Variants in PROK1 observed in about 807,000 individuals in gnomAD.
PROK1 encodes the protein prokineticin 1, also known as prokineticin-1.
A neutral mutation model predicts 8.8 loss-of-function variants in PROK1; 10 were observed. The ratio of observed to expected loss-of-function variants is 1.13; its 90% CI spans 0.70 to 1.92. The LOEUF is 1.92. Among genes scored for constraint, PROK1 ranks in the 30% most tolerant of loss-of-function variants. The pLI, the probability that PROK1 is intolerant of heterozygous loss-of-function variation, is 0.00. For synonymous variants in PROK1, 57 were observed against 56.0 expected (o/e 1.02, Z -0.08); for missense variants, 140 against 139.7 (o/e 1.00, Z -0.01).
chr1:110,453,733 G>A lies in PROK1; in HGVS notation c.73-228G>A, dbSNP rs538718389. 1.6e-3 allele frequency among the ~76,000 whole-genome samples: 248 copies of A among 152,344 alleles called. 3 individuals carry two copies. The highest frequency in any genetic ancestry group is 2.5e-3 in the Non-Finnish European group (171 of 68,024). On this transcript the variant is annotated intron_variant, in intron 1 of 2. Transcript: ENST00000271331. The stretch of plus-strand genomic sequence containing the variant: ...CCTTCTGAGTGGCCTCCAGGAGCTT[G>A]GAAGTTTCCTCAGATCCAGATCCAA...
chr1:110,453,871 ATCCT>A, intron 1 of PROK1, 86 bp from the exon 2 acceptor site: 1 of 1,566,968 alleles, frequency 6.4e-7, no homozygotes, highest in South Asian at 1.1e-5. Flanking sequence ...TTCTTGCTCC[ATCCT>A]GATAAGGGCT....
Position 110,454,010 on chromosome 1 carries a change from G to T in PROK1, c.122G>T (p.Ser41Ile), listed in dbSNP as rs772739896. Residue 41 changes from serine (S) to isoleucine (I), a missense_variant, in exon 2 of 3, where the codon AGC (serine) becomes ATC (isoleucine). Transcript: ENST00000271331. ...GGGGCAGGCACCTGCTGTGCCATCA[G>T]CCTGTGGCTTCGAGGGCTGCGGATG... is the stretch of plus-strand genomic sequence containing the variant. ...QCGAGTCCAI[S>I]LWLRGLRMCT... is the part of the protein sequence containing the mutation. 8.7e-6 allele frequency: 14 copies of T among 1,614,124 alleles called. No homozygotes were observed. Among genetic ancestry groups the T allele is most frequent in the Non-Finnish European group, 1.1e-5 (13 of 1,180,050 alleles).
intron 2 of PROK1, among the ~76,000 whole-genome samples, chr1:110,454,824 GC>G (rs1664144043): frequency 6.6e-6 from 1 of 152,242 alleles, no homozygotes; most frequent in African/African-American, 2.4e-5. Flanking sequence ...GATCTCACAT[GC>G]CCTTTGCTCT....
At position 110,456,195 on chromosome 1, in the gene PROK1, TC is replaced by T. The variant is rs761335929; in HGVS notation, c.199-34del. On this transcript the variant is annotated intron_variant, in intron 2 of 2. Coordinates refer to ENST00000271331, the MANE Select transcript of PROK1 (RefSeq NM_032414.3). Reference sequence around the variant, plus strand: ...ACTGCTGCCAGGAGGCCCACCTACCTCCCTTTGGTGAAGGTGTTGATTTCTT... The same window carrying T: ...ACTGCTGCCAGGAGGCCCACCTACCTCCTTTGGTGAAGGTGTTGATTTCTT... The T allele has an allele frequency of 3.7e-6, 6 of 1,606,084 alleles. No homozygotes were observed. The African/African-American group carries it at 6.7e-5, about 18-fold the overall frequency.
chr1:110,456,557 C>A lies in PROK1; in HGVS notation c.*206C>A, dbSNP rs753896835. On this transcript the variant is annotated 3_prime_UTR_variant, in exon 3 of 3. Coordinates refer to ENST00000271331, the MANE Select transcript of PROK1 (RefSeq NM_032414.3). The stretch of plus-strand genomic sequence containing the variant: ...CCAGGCTGGCCTGAGGATGTCACAG[C>A]TTGAGGCTGTGGTGTGAAAGGTGGC... 3 of 667,888 alleles carry A rather than the reference C, an allele frequency of 4.5e-6. No homozygotes were observed. Among genetic ancestry groups the A allele is most frequent in the Non-Finnish European group, 7.8e-6 (3 of 384,672 alleles). 41.4% of individuals were successfully genotyped at this position (667,888 alleles called of 1,614,324 possible).
rs138146720 is a variant in PROK1, at chr1:110,454,059, C to T, written c.171C>T (p.Gly57=). The change falls in exon 2 of 3, where the codon GGC becomes GGT. Residue 57 remains glycine (G), a synonymous_variant. Coordinates refer to ENST00000271331, the MANE Select transcript of PROK1 (RefSeq NM_032414.3). ...TGTGCACCCCGCTGGGGCGGGAAGG[C>T]GAGGAGTGCCACCCCGGCAGCCACA... ...LRMCTPLGRE[G]EECHPGSHKV... The T allele has an allele frequency of 1.7e-4, 281 of 1,613,674 alleles. No individual in the cohort carries two copies. Among genetic ancestry groups the T allele is most frequent in the African/African-American group, 4.9e-4 (37 of 74,936 alleles).
intron 1 of PROK1, 129 bp from the exon 2 acceptor site, chr1:110,453,832 C>A: frequency 7.7e-7 from 1 of 1,292,082 alleles, no homozygotes; most frequent in Non-Finnish European, 1.1e-6. Context: ...TTCTGTTAGG[C>A]TAAGGCCGGG....
intron 1 of PROK1, among the ~76,000 whole-genome samples, chr1:110,453,189 T>C (rs1433687638): frequency 6.6e-6 from 1 of 152,212 alleles, no homozygotes; most frequent in African/African-American, 2.4e-5. Flanking sequence ...GAATGGCAAG[T>C]GTGGATGCTT....
chr1:110,456,043 G>A (rs7513898), intron 2 of PROK1, among the ~76,000 whole-genome samples, 189 bp from the exon 3 acceptor site: 75,065 of 152,058 alleles, frequency 0.49, 19,299 homozygotes, highest in African/African-American at 0.64. Context: ...TGATCTTGGC[G>A]TATTGCTTAG....
At chr1:110,454,740 A>G (rs2101150475) in intron 2 of PROK1, among the ~76,000 whole-genome samples, 1 of 152,328 alleles carries the variant, frequency 6.6e-6, no homozygotes, top group Middle Eastern at 3.4e-3. Context: ...CTCAGGCCAC[A>G]CTTATATGAT....
At chr1:110,455,930 C>T (rs1350218707) in intron 2 of PROK1, among the ~76,000 whole-genome samples, 1 of 152,110 alleles carries the variant, frequency 6.6e-6, no homozygotes, top group Non-Finnish European at 1.5e-5. Context: ...AATCAATGGA[C>T]ATGTGTGTGC....
At chr1:110,451,392 C>T in intron 1 of PROK1, 104 bp downstream of exon 1, 3 of 946,012 alleles carry the variant, frequency 3.2e-6, no homozygotes, top group Non-Finnish European at 1.7e-6. Flanking sequence ...TGGCTCAACA[C>T]AGTGTGAACC....
At position 110,451,296 on chromosome 1, in the gene PROK1, G is replaced by A. The variant is rs190855729; in HGVS notation, c.72+8G>A. 210 of 1,613,404 alleles carry A rather than the reference G, an allele frequency of 1.3e-4. No individual in the cohort carries two copies. Among genetic ancestry groups the A allele is most frequent in the South Asian group, 2.1e-4 (19 of 91,060 alleles). On this transcript the variant is annotated splice_region_variant and intron_variant, in intron 1 of 2. Transcript: ENST00000271331. Reference sequence around the variant, plus strand: ...TGTGCTGTGATCACAGGGGTAAGTCGCCTAACATTCTCTGTGCCTTGGGTT... The same window carrying A: ...TGTGCTGTGATCACAGGGGTAAGTCACCTAACATTCTCTGTGCCTTGGGTT...
rs1305074896 is a variant in PROK1, at chr1:110,456,339, C to T, written c.306C>T (p.Asn102=). 5 of 1,614,088 alleles carry T rather than the reference C, an allele frequency of 3.1e-6. No individual in the cohort carries two copies. In the Admixed American group the frequency reaches 8.3e-5, roughly 27 times the overall value. ...GRYRCSMDLK[N]INF Reference sequence around the variant, plus strand: ...ACCGCTGCTCCATGGACTTGAAGAACATCAATTTTTAGGCGCTTGCCTGGT... The same window carrying T: ...ACCGCTGCTCCATGGACTTGAAGAATATCAATTTTTAGGCGCTTGCCTGGT... The change falls in exon 3 of 3, where the codon AAC becomes AAT. Residue 102 remains asparagine, a synonymous_variant. Coordinates refer to ENST00000271331, the MANE Select transcript of PROK1 (RefSeq NM_032414.3).
In PROK1 at chr1:110,456,517, A is replaced by C; in HGVS notation, c.*166A>C. Reference sequence around the variant, plus strand: ...ATGCACACAGGCAGACATACCTCCCATCATGACATGGTCCCCAGGCTGGCC... The same window carrying C: ...ATGCACACAGGCAGACATACCTCCCCTCATGACATGGTCCCCAGGCTGGCC... On this transcript the variant is annotated 3_prime_UTR_variant, in exon 3 of 3. Coordinates refer to ENST00000271331, the MANE Select transcript of PROK1 (RefSeq NM_032414.3). The C allele has an allele frequency of 4.7e-6, 4 of 849,242 alleles. No homozygotes were observed. Among genetic ancestry groups the C allele is most frequent in the Non-Finnish European group, 7.6e-6 (4 of 528,974 alleles). The allele number at this position is 849,242 out of a possible 1,614,324, so 52.6% of individuals were successfully genotyped here. A position where few individuals can be genotyped will look rare whatever the true frequency, so the allele number is the denominator to read the frequency against.
Position 110,456,333 on chromosome 1 carries a change from G to A in PROK1, c.300G>A (p.Leu100=). 3 of 1,614,034 alleles carry A rather than the reference G, an allele frequency of 1.9e-6. No homozygotes were observed. The highest frequency in any genetic ancestry group is 2.5e-6 in the Non-Finnish European group (3 of 1,180,034). The change falls in exon 3 of 3, where the codon TTG becomes TTA. Residue 100 remains leucine, a synonymous_variant. Transcript: ENST00000271331. ...PDGRYRCSMD[L]KNINF The stretch of plus-strand genomic sequence containing the variant: ...GCAGGTACCGCTGCTCCATGGACTT[G>A]AAGAACATCAATTTTTAGGCGCTTG...
In PROK1 at chr1:110,456,429, G is replaced by T; in HGVS notation, c.*78G>T. 6.3e-7 allele frequency: 1 copy of T among 1,579,110 alleles called. No individual in the cohort carries two copies. The highest frequency in any genetic ancestry group is 8.6e-7 in the Non-Finnish European group (1 of 1,157,240). The stretch of plus-strand genomic sequence containing the variant: ...ATTTTTATTTCTGCCATGAAACCCA[G>T]CTCCCATGACTCTCCCAGTCCCTAC... On this transcript the variant is annotated 3_prime_UTR_variant, in exon 3 of 3. Coordinates refer to ENST00000271331, the MANE Select transcript of PROK1 (RefSeq NM_032414.3).
Position 110,451,268 on chromosome 1 carries a change from G to C in PROK1, c.52G>C (p.Asp18His). 1 of 1,614,146 alleles carries C rather than the reference G, an allele frequency of 6.2e-7. No individual in the cohort carries two copies. The highest frequency in any genetic ancestry group is 1.1e-5 in the South Asian group (1 of 91,078). The change falls in exon 1 of 3, where the codon GAC (aspartate) becomes CAC (histidine). Residue 18 changes from aspartate (D) to histidine (H), a missense_variant. By Grantham distance (81) the Asp-to-His change is moderately conservative. Coordinates refer to ENST00000271331, the MANE Select transcript of PROK1 (RefSeq NM_032414.3). ...CATGCTCCTCCTAGTAACTGTGTCT[G>C]ACTGTGCTGTGATCACAGGGGTAAG... ...SIMLLLVTVSDCAVITGACER... is the reference protein window; with the variant it reads ...SIMLLLVTVSHCAVITGACER...
At chr1:110,455,882 A>G (rs573823859) in intron 2 of PROK1, among the ~76,000 whole-genome samples, 105 of 152,272 alleles carry the variant, frequency 6.9e-4, no homozygotes, top group Middle Eastern at 3.4e-3. Context: ...AGCACCCACC[A>G]TGGTTTTGAG....
Sources: gnomAD v4.1 joint callset for allele counts (sites outside exome capture counted in the v4.1 genomes callset) on GRCh38, gnomAD v4.1.1 for gene constraint, MANE v1.5 for transcripts, NCBI Gene and HGNC (gene_info 2026-07-23, HGNC 2026-07-21) for gene names.